Variants in TMEM132D observed in about 807,000 individuals in gnomAD.
TMEM132D encodes the protein mature OL transmembrane protein.
A neutral mutation model predicts 62.3 loss-of-function variants in TMEM132D; 21 were observed. The observed-to-expected ratio is 0.34, with a 90% CI of 0.24 to 0.49. TMEM132D has a LOEUF of 0.49. Ranked by LOEUF, TMEM132D falls within the 20% of genes least tolerant of loss-of-function variation. TMEM132D has a pLI of 0.99. For missense variants in TMEM132D, 1,346 were observed against 1,402.8 expected (o/e 0.96, Z 0.65); for synonymous variants, 621 against 575.6 (o/e 1.08, Z -1.13).
chr12:129,586,428 A>T (rs371812189), intron 2 of TMEM132D, among the ~76,000 whole-genome samples: 141 of 152,312 alleles, frequency 9.3e-4, no homozygotes, highest in Middle Eastern at 3.4e-3. Flanking sequence ...TAGGCTGCTA[A>T]CACAATGTAT....
At chr12:129,430,269 G>T (rs947528390) in intron 3 of TMEM132D, among the ~76,000 whole-genome samples, 5 of 152,030 alleles carry the variant, frequency 3.3e-5, no homozygotes, top group Non-Finnish European at 7.4e-5. Context: ...TTTAATGATC[G>T]CCATTCTAAC....
chr12:129,722,295 C>T (rs4237838), intron 1 of TMEM132D, among the ~76,000 whole-genome samples: 125,401 of 152,064 alleles, frequency 0.82, 52,269 homozygotes, highest in Non-Finnish European at 0.9. Flanking sequence ...GCCACTGGCT[C>T]GTGGCTGTGC....
At chr12:129,721,689 C>T (rs1868836693) in intron 1 of TMEM132D, among the ~76,000 whole-genome samples, 1 of 152,180 alleles carries the variant, frequency 6.6e-6, no homozygotes, top group Non-Finnish European at 1.5e-5. Context: ...GCATGGGAGG[C>T]AGACAAGCAG....
chr12:129,180,442 C>A (rs1878034529), intron 5 of TMEM132D, among the ~76,000 whole-genome samples: 1 of 152,158 alleles, frequency 6.6e-6, no homozygotes, highest in South Asian at 2.1e-4. Flanking sequence ...ACTCAGTCAT[C>A]CATTCATGTG....
intron 4 of TMEM132D, among the ~76,000 whole-genome samples, chr12:129,269,149 C>T (rs1241211718): frequency 6.6e-6 from 1 of 151,998 alleles, no homozygotes; most frequent in African/African-American, 2.4e-5. Flanking sequence ...TGCACATGTC[C>T]CCTAGAACTT....
chr12:129,369,528 C>A (rs1870530674), intron 3 of TMEM132D, among the ~76,000 whole-genome samples: 1 of 152,178 alleles, frequency 6.6e-6, no homozygotes, highest in Non-Finnish European at 1.5e-5. Flanking sequence ...AGGAATTGAC[C>A]ATCAGGTCTA....
At chr12:129,570,911 C>T (rs943174025) in intron 2 of TMEM132D, among the ~76,000 whole-genome samples, 3 of 152,132 alleles carry the variant, frequency 2.0e-5, no homozygotes, top group Admixed American at 1.3e-4. Context: ...AACAATGACT[C>T]GTCTGCTGTG....
At chr12:129,223,671 G>A (rs544031055) in intron 4 of TMEM132D, among the ~76,000 whole-genome samples, 3 of 152,306 alleles carry the variant, frequency 2.0e-5, no homozygotes, top group Non-Finnish European at 2.9e-5. Context: ...TTTGCAAGAC[G>A]AGAATATTAG....
intron 5 of TMEM132D, among the ~76,000 whole-genome samples, chr12:129,202,824 T>C (rs539561992): frequency 6.6e-6 from 1 of 152,320 alleles, no homozygotes; most frequent in East Asian, 1.9e-4. Flanking sequence ...CAGGGAAAAC[T>C]TGAGTAATGC....
In TMEM132D at chr12:129,146,674, C is replaced by T. The variant is rs75623249; in HGVS notation, c.1444-61972G>A. 2.8e-3 allele frequency among the ~76,000 whole-genome samples: 428 copies of T among 152,310 alleles called. 12 individuals carry two copies. In the East Asian group the frequency reaches 0.053, roughly 19 times the overall value. On this transcript the variant is annotated intron_variant, in intron 5 of 8. Transcript: ENST00000422113. ...TACTATGTTCCCATATGTTTGCACA[C>T]ATTTCCTGCAATGCTCTTACCCTGC...
intron 4 of TMEM132D, chr12:129,262,701 C>A (rs572467435): frequency 2.0e-5 from 3 of 152,298 alleles, no homozygotes; most frequent in Non-Finnish European, 4.4e-5. Context: ...ATTGTTGTGA[C>A]CCTAGAGTCT....
chr12:129,408,763 C>A (rs375540362), intron 3 of TMEM132D, among the ~76,000 whole-genome samples: 4 of 152,144 alleles, frequency 2.6e-5, no homozygotes, highest in Non-Finnish European at 4.4e-5. Flanking sequence ...TGCATATACA[C>A]TCATGTGCAC....
rs189895340 is a variant in TMEM132D, at chr12:129,177,612, G to C, written c.1443+31908C>G. On this transcript the variant is annotated intron_variant, in intron 5 of 8. Coordinates refer to ENST00000422113, the MANE Select transcript of TMEM132D (RefSeq NM_133448.3). ...ATCTCTACAAAAAATGAAAAAGTTAGCCAGGCATGGTGGTGTGTACCTATA... is the reference window on the plus strand; with the variant it reads ...ATCTCTACAAAAAATGAAAAAGTTACCCAGGCATGGTGGTGTGTACCTATA... Among the ~76,000 whole-genome samples the C allele has an allele frequency of 4.5e-3, 680 of 152,212 alleles. 6 individuals are homozygous for C. Among genetic ancestry groups the C allele is most frequent in the African/African-American group, 0.016 (645 of 41,522 alleles).
intron 5 of TMEM132D, among the ~76,000 whole-genome samples, chr12:129,149,478 A>C (rs1877011272): frequency 6.6e-6 from 1 of 152,170 alleles, no homozygotes; most frequent in Non-Finnish European, 1.5e-5. Flanking sequence ...CATTTTTATG[A>C]CTGCTTGGGA....
At chr12:129,772,891 T>C (rs1870800665) in intron 1 of TMEM132D, among the ~76,000 whole-genome samples, 1 of 152,228 alleles carries the variant, frequency 6.6e-6, no homozygotes, top group African/African-American at 2.4e-5. Context: ...ATTTATCTTT[T>C]TTAGCATCTT....
At chr12:129,453,424 T>G (rs1388454177) in intron 3 of TMEM132D, among the ~76,000 whole-genome samples, 1 of 152,214 alleles carries the variant, frequency 6.6e-6, no homozygotes, top group Admixed American at 6.5e-5. Flanking sequence ...AGTCTGCTCC[T>G]TTCAACTGGA....
intron 1 of TMEM132D, among the ~76,000 whole-genome samples, chr12:129,763,859 G>A (rs1870464147): frequency 6.6e-6 from 1 of 152,156 alleles, no homozygotes; most frequent in Admixed American, 6.5e-5. Flanking sequence ...TGGAACGTAA[G>A]TGCTCAGGTA....
chr12:129,399,028 A>G (rs1366548212), intron 3 of TMEM132D, among the ~76,000 whole-genome samples: 3 of 152,198 alleles, frequency 2.0e-5, no homozygotes, highest in Non-Finnish European at 4.4e-5. Context: ...TTCTTGCTGC[A>G]TCATCCCATG....
chr12:129,499,065 C>T (rs994704184), intron 3 of TMEM132D, among the ~76,000 whole-genome samples: 1 of 152,106 alleles, frequency 6.6e-6, no homozygotes, highest in Admixed American at 6.5e-5. Context: ...CTATCATGTG[C>T]TCTGTAATAT....
Sources: gnomAD v4.1 joint callset for allele counts (sites outside exome capture counted in the v4.1 genomes callset) on GRCh38, gnomAD v4.1.1 for gene constraint, MANE v1.5 for transcripts, NCBI Gene and HGNC (gene_info 2026-07-23, HGNC 2026-07-21) for gene names.